ZC4H2: variants seen among roughly 807,000 people sequenced by gnomAD.
ZC4H2 encodes the protein zinc finger C4H2 domain-containing protein.
For synonymous variants in ZC4H2, 84 were observed against 66.3 expected, an observed-to-expected ratio of 1.27 and a Z score of -1.30; for missense variants, 137 against 173.9, an observed-to-expected ratio of 0.79 and a Z score of 1.19.
At chrX:64,985,221 G>T (rs1178648558) in intron 1 of ZC4H2, among the ~76,000 whole-genome samples, 1 of 111,539 alleles carries the variant, frequency 9.0e-6, no homozygotes, top group African/African-American at 3.3e-5. Flanking sequence ...CCCAATAGTG[G>T]GATTGCTGGG....
chrX:65,027,869 T>G (rs1932895403), intron 1 of ZC4H2, among the ~76,000 whole-genome samples: 1 of 111,997 alleles, frequency 8.9e-6, no homozygotes, highest in Non-Finnish European at 1.9e-5. Context: ...TGAATTGTCT[T>G]GATTCCAGAA....
rs191297861 is a variant in ZC4H2, at chrX:64,921,637, T to C, written c.225+180A>G. 1.8e-3 allele frequency among the ~76,000 whole-genome samples: 197 copies of C among 111,405 alleles called. 2 individuals are homozygous for C. The highest frequency in any genetic ancestry group is 6.2e-3 in the African/African-American group (191 of 30,651). On this transcript the variant is annotated intron_variant, in intron 2 of 4. Transcript: ENST00000374839. ...AAGGGACTTGTCCAGTGATATATAGTCAGTTAGTGACAGAGCCAGGGCTGG... is the reference window on the plus strand; with the variant it reads ...AAGGGACTTGTCCAGTGATATATAGCCAGTTAGTGACAGAGCCAGGGCTGG...
At chrX:65,005,971 C>G (rs1932649480) in intron 1 of ZC4H2, among the ~76,000 whole-genome samples, 1 of 111,912 alleles carries the variant, frequency 8.9e-6, no homozygotes, top group African/African-American at 3.3e-5. Flanking sequence ...CTCATCATCA[C>G]TGGTCTTCAG....
chrX:64,922,301 A>G (rs1372942220), intron 1 of ZC4H2: 3 of 220,431 alleles, frequency 1.4e-5, no homozygotes, highest in Non-Finnish European at 2.2e-5. Context: ...AAAAAGAAAA[A>G]GAAAGAAAGA....
intron 1 of ZC4H2, among the ~76,000 whole-genome samples, chrX:64,956,278 C>A (rs372794506): frequency 9.0e-6 from 1 of 111,453 alleles, no homozygotes; most frequent in Non-Finnish European, 1.9e-5. Flanking sequence ...TTAGCCCATT[C>A]TTTAATCTAT....
chrX:65,025,970 G>T (rs1193882470), intron 1 of ZC4H2, among the ~76,000 whole-genome samples: 5 of 111,974 alleles, frequency 4.5e-5, no homozygotes, highest in African/African-American at 1.6e-4. Flanking sequence ...AATCTGAATT[G>T]ATGCCAGTCT....
intron 1 of ZC4H2, among the ~76,000 whole-genome samples, chrX:64,954,318 TTATATATATATATATATATAATTATA>T (rs1170765610): frequency 1.6e-5 from 1 of 62,614 alleles, no homozygotes; most frequent in Non-Finnish European, 2.4e-5. Context: ...TAAAGTATAA[TTATATATATATATATATATAATTATA>T]TATATATATA....
At position 64,945,847 on chromosome X, in the gene ZC4H2, G is replaced by A. The variant is rs185794329; in HGVS notation, c.54-23859C>T. Among the ~76,000 whole-genome samples, 15 of 111,194 alleles carry A rather than the reference G, an allele frequency of 1.3e-4. No homozygotes were observed. In the East Asian group the frequency reaches 3.7e-3, roughly 28 times the overall value. On this transcript the variant is annotated intron_variant, in intron 1 of 4. Transcript: ENST00000374839. The stretch of plus-strand genomic sequence containing the variant: ...GCTGTGCTATGATGGTTTCCGCTAA[G>A]TCAGAACTTCCTGGTGGCTTTGTTT...
chrX:64,920,481 T>C (rs1602381115), intron 2 of ZC4H2, among the ~76,000 whole-genome samples: 1 of 112,084 alleles, frequency 8.9e-6, no homozygotes, highest in Non-Finnish European at 1.9e-5. Flanking sequence ...GATGTAATGA[T>C]AGGATTCATA....
chrX:64,952,374 CTATAAATTACCTTGGGCAGTATGGCCAT>C (rs1166989350), intron 1 of ZC4H2, among the ~76,000 whole-genome samples: 1 of 109,649 alleles, frequency 9.1e-6, no homozygotes, highest in African/African-American at 3.3e-5. Context: ...GGCATTGAAT[CTATAAATTACCTTGGGCAGTATGGCCAT>C]TTTCACAATA....
intron 1 of ZC4H2, among the ~76,000 whole-genome samples, chrX:64,961,995 A>G (rs1303784950): frequency 9.0e-6 from 1 of 111,557 alleles, no homozygotes; most frequent in Non-Finnish European, 1.9e-5. Flanking sequence ...CTTAAAGAAG[A>G]GTTAATGCCA....
At chrX:64,928,704 C>T (rs7882307) in intron 1 of ZC4H2, among the ~76,000 whole-genome samples, 10 of 93,395 alleles carry the variant, frequency 1.1e-4, no homozygotes, top group African/African-American at 2.6e-4. Flanking sequence ...TTCTTCTTCT[C>T]CTCCTCCTCC....
At chrX:64,947,495 C>A (rs1011869567) in intron 1 of ZC4H2, among the ~76,000 whole-genome samples, 1 of 112,339 alleles carries the variant, frequency 8.9e-6, no homozygotes, top group Non-Finnish European at 1.9e-5. Context: ...GTCTTTCTTC[C>A]ATAATAAATT....
At chrX:64,933,763 C>G (rs1190782300) in intron 1 of ZC4H2, among the ~76,000 whole-genome samples, 1 of 111,042 alleles carries the variant, frequency 9.0e-6, no homozygotes, top group Non-Finnish European at 1.9e-5. Context: ...ATTTCCTTCT[C>G]TCATGGTGTA....
At chrX:64,967,754 T>C (rs776825543) in intron 1 of ZC4H2, among the ~76,000 whole-genome samples, 2 of 112,275 alleles carry the variant, frequency 1.8e-5, no homozygotes, top group South Asian at 3.7e-4. Context: ...ACAAGGCACA[T>C]AGTCATGGTC....
At chrX:64,953,017 A>G (rs865867586) in intron 1 of ZC4H2, among the ~76,000 whole-genome samples, 1 of 111,890 alleles carries the variant, frequency 8.9e-6, no homozygotes. Context: ...AAATAATGCC[A>G]CATATCTACA....
chrX:65,016,590 G>A (rs1003962657), intron 1 of ZC4H2, among the ~76,000 whole-genome samples: 1 of 111,843 alleles, frequency 8.9e-6, no homozygotes, highest in African/African-American at 3.3e-5. Context: ...TATTGGGAAT[G>A]TGAAGAGATT....
chrX:64,972,327 G>C (rs1445456786), intron 1 of ZC4H2, among the ~76,000 whole-genome samples: 2 of 111,342 alleles, frequency 1.8e-5, no homozygotes, highest in Non-Finnish European at 3.8e-5. Flanking sequence ...TGCCATTGGT[G>C]TGAGTGCTGA....
At chrX:64,978,547 G>A (rs1358033126), upstream of ZC4H2, among the ~76,000 whole-genome samples, 2 of 111,661 alleles carry the variant, frequency 1.8e-5, no homozygotes, top group South Asian at 3.8e-4. Flanking sequence ...AGTCTGATAT[G>A]TACAATCTAT....
Sources: gnomAD v4.1 joint callset for allele counts (sites outside exome capture counted in the v4.1 genomes callset) on GRCh38, gnomAD v4.1.1 for gene constraint, MANE v1.5 for transcripts, NCBI Gene and HGNC (gene_info 2026-07-23, HGNC 2026-07-21) for gene names.